CDH13: variants seen among roughly 807,000 people sequenced by gnomAD.
CDH13 encodes the protein cadherin-13.
A neutral mutation model predicts 63.8 loss-of-function variants in CDH13; 24 were observed. The observed-to-expected ratio is 0.38, with a 90% CI of 0.27 to 0.53. CDH13 has a LOEUF of 0.53. CDH13 is among the 20% of genes least tolerant of loss of function. The probability of loss-of-function intolerance (pLI) is 0.85; values close to 1 mark genes in which losing one functional copy is unlikely to be tolerated. For missense variants in CDH13, 1,049 were observed against 903.1 expected (o/e 1.16, Z -2.07); for synonymous variants, 503 against 355.3 (o/e 1.42, Z -4.67).
intron 6 of CDH13, among the ~76,000 whole-genome samples, chr16:83,471,219 C>G (rs1428508114): frequency 1.3e-5 from 2 of 150,774 alleles, no homozygotes; most frequent in African/African-American, 4.9e-5. Context: ...AAGATATTCA[C>G]AGTTGTTGGG....
chr16:83,610,170 G>A (rs1908726923), intron 8 of CDH13, among the ~76,000 whole-genome samples: 1 of 151,932 alleles, frequency 6.6e-6, no homozygotes, highest in African/African-American at 2.4e-5. Flanking sequence ...TAACGCTGCT[G>A]TGAACATTCA....
At chr16:83,061,132 T>C (rs1040841077) in intron 3 of CDH13, among the ~76,000 whole-genome samples, 8 of 152,202 alleles carry the variant, frequency 5.3e-5, no homozygotes, top group Non-Finnish European at 4.4e-5. Flanking sequence ...CCACAGTCTT[T>C]CCCAAAGTTG....
chr16:83,238,319 T>C (rs1904281256), intron 5 of CDH13, among the ~76,000 whole-genome samples: 1 of 152,118 alleles, frequency 6.6e-6, no homozygotes, highest in Admixed American at 6.5e-5. Context: ...ACATCTTACA[T>C]GGCGGCAGGC....
intron 5 of CDH13, among the ~76,000 whole-genome samples, chr16:83,230,237 C>T: frequency 6.6e-6 from 1 of 152,282 alleles, no homozygotes; most frequent in East Asian, 1.9e-4. Flanking sequence ...TTCAGTGTTT[C>T]TTATCTCCTG....
At chr16:83,102,478 G>A (rs1170992335) in intron 3 of CDH13, among the ~76,000 whole-genome samples, 1 of 152,142 alleles carries the variant, frequency 6.6e-6, no homozygotes, top group African/African-American at 2.4e-5. Context: ...AGTCAGGGGA[G>A]CTTGCAGTAA....
At chr16:83,508,220 C>T (rs2074468968) in intron 7 of CDH13, 1 of 153,070 alleles carries the variant, frequency 6.5e-6, no homozygotes, top group Non-Finnish European at 1.5e-5. Flanking sequence ...AATGTGGAGT[C>T]TGCCAAATCA....
At chr16:83,709,475 G>A (rs1907675691) in intron 10 of CDH13, among the ~76,000 whole-genome samples, 1 of 152,322 alleles carries the variant, frequency 6.6e-6, no homozygotes, top group African/African-American at 2.4e-5. Flanking sequence ...TGCCGTGTGT[G>A]CACCATTTGA....
At chr16:83,030,417 G>A (rs971725618) in intron 2 of CDH13, among the ~76,000 whole-genome samples, 3 of 151,962 alleles carry the variant, frequency 2.0e-5, no homozygotes, top group African/African-American at 7.3e-5. Context: ...CCAGTTCTTT[G>A]GGAGGCCTGA....
chr16:83,620,838 A>G (rs1909745397), intron 8 of CDH13, among the ~76,000 whole-genome samples: 1 of 152,144 alleles, frequency 6.6e-6, no homozygotes, highest in African/African-American at 2.4e-5. Flanking sequence ...CAAGTGTCCT[A>G]TCAAGAACGG....
At chr16:82,837,115 C>A (rs925853697) in intron 1 of CDH13, among the ~76,000 whole-genome samples, 1 of 152,182 alleles carries the variant, frequency 6.6e-6, no homozygotes, top group Non-Finnish European at 1.5e-5. Context: ...CTGTATTTTC[C>A]TCAGGCAGTT....
chr16:82,639,420 C>T, intron 1 of CDH13: 14 of 1,535,522 alleles, frequency 9.1e-6, no homozygotes, highest in Non-Finnish European at 1.2e-5. Flanking sequence ...GTGAGAATGG[C>T]CCACAGATGC....
chr16:83,139,163 C>G (rs906130724), intron 4 of CDH13, among the ~76,000 whole-genome samples: 3 of 152,054 alleles, frequency 2.0e-5, no homozygotes, highest in African/African-American at 7.2e-5. Context: ...CTGTATGTTG[C>G]ATGGAGGTGG....
chr16:82,679,821 T>C (rs1431028857), intron 1 of CDH13, among the ~76,000 whole-genome samples: 1 of 152,168 alleles, frequency 6.6e-6, no homozygotes, highest in Admixed American at 6.5e-5. Context: ...CAAAAATGGG[T>C]TTGGATCTGA....
chr16:83,234,935 G>A (rs1054108900), intron 5 of CDH13, among the ~76,000 whole-genome samples: 2 of 152,182 alleles, frequency 1.3e-5, no homozygotes, highest in Admixed American at 6.5e-5. Flanking sequence ...CGTGGCTCAC[G>A]CCTGTAATCC....
At chr16:83,553,055 G>A (rs1025449253) in intron 7 of CDH13, among the ~76,000 whole-genome samples, 2 of 149,752 alleles carry the variant, frequency 1.3e-5, no homozygotes, top group East Asian at 3.9e-4. Flanking sequence ...CCGTAGCCTG[G>A]GCGACAGAGT....
Position 82,903,560 on chromosome 16 carries a change from C to G in CDH13, c.157+45087C>G, listed in dbSNP as rs553158182. Among the ~76,000 whole-genome samples the G allele has an allele frequency of 4.6e-5, 7 of 152,308 alleles. No individual in the cohort carries two copies. In the East Asian group the frequency reaches 1.2e-3, roughly 25 times the overall value. ...TTTCTCTGACGCTTAGGACTTGAAC[C>G]CTTTTTTCATCCTTTTTGTTTTATT... On this transcript the variant is annotated intron_variant, in intron 2 of 13. Transcript: ENST00000567109.
chr16:83,000,496 C>T (rs1305561302), intron 2 of CDH13, among the ~76,000 whole-genome samples: 1 of 150,766 alleles, frequency 6.6e-6, no homozygotes, highest in African/African-American at 2.4e-5. Context: ...GATCCACTCA[C>T]CTTGGGCTCC....
At chr16:83,647,312 C>CAA (rs772041222) in intron 8 of CDH13, among the ~76,000 whole-genome samples, 19 of 86,354 alleles carry the variant, frequency 2.2e-4, no homozygotes, top group East Asian at 4.3e-4. Context: ...GACTCTGTCT[C>CAA]AAAAAAAAAA....
intron 5 of CDH13, among the ~76,000 whole-genome samples, chr16:83,289,235 C>T (rs886138759): frequency 2.0e-5 from 3 of 152,224 alleles, no homozygotes; most frequent in Non-Finnish European, 4.4e-5. Context: ...ATAACCCAAC[C>T]TGGGACCCTT....
Sources: allele counts gnomAD v4.1 joint callset (sites outside exome capture counted in the v4.1 genomes callset), GRCh38; gene constraint gnomAD v4.1.1; transcripts MANE v1.5; gene names NCBI Gene and HGNC (gene_info 2026-07-23, HGNC 2026-07-21).